The following PCDHA7 variants were observed in gnomAD, a reference collection of about 807,000 sequenced individuals.
PCDHA7 encodes the protein protocadherin alpha-7.
A neutral mutation model predicts 57.2 loss-of-function variants in PCDHA7; 37 were observed. The ratio of observed to expected loss-of-function variants is 0.65; its 90% CI spans 0.50 to 0.85. PCDHA7 has a LOEUF of 0.85. PCDHA7 is among the 40% of genes least tolerant of loss of function. The pLI, the probability that PCDHA7 is intolerant of heterozygous loss-of-function variation, is 0.00. For synonymous variants in PCDHA7, 553 were observed against 558.8 expected (o/e 0.99, Z 0.15); for missense variants, 1,188 against 1,241.8 (o/e 0.96, Z 0.65).
intron 1 of PCDHA7, among the ~76,000 whole-genome samples, chr5:140,911,608 T>C (rs1045101856): frequency 1.3e-5 from 2 of 152,180 alleles, no homozygotes; most frequent in Non-Finnish European, 2.9e-5. Context: ...TTCATTATGT[T>C]CCTTAGTTCC....
At chr5:140,877,511 C>G in intron 1 of PCDHA7, 1 of 1,613,808 alleles carries the variant, frequency 6.2e-7, no homozygotes, top group South Asian at 1.1e-5. Context: ...AAGACGTCGT[C>G]GCGGGCCTCA....
chr5:140,841,085 A>G, intron 1 of PCDHA7: 1 of 553,322 alleles, frequency 1.8e-6, no homozygotes. Context: ...AAGTGCATAG[A>G]AGAACCCAGA....
chr5:140,941,862 T>G (rs1007783083), intron 1 of PCDHA7, among the ~76,000 whole-genome samples: 33 of 152,238 alleles, frequency 2.2e-4, no homozygotes, highest in African/African-American at 7.7e-4. Context: ...TTCCCTATCA[T>G]AGAGTTCTAT....
At chr5:140,978,648 T>C (rs2096814311) in intron 1 of PCDHA7, among the ~76,000 whole-genome samples, 1 of 152,264 alleles carries the variant, frequency 6.6e-6, no homozygotes, top group African/African-American at 2.4e-5. Flanking sequence ...CAGACTGTTC[T>C]TCCCGTAGTG....
At chr5:140,840,564 T>C (rs1432242411) in intron 1 of PCDHA7, among the ~76,000 whole-genome samples, 1 of 152,054 alleles carries the variant, frequency 6.6e-6, no homozygotes, top group Non-Finnish European at 1.5e-5. Flanking sequence ...CTGCTAGAGT[T>C]TGGCATGTCA....
In PCDHA7 at chr5:140,876,724, G is replaced by A. The variant is rs140611870; in HGVS notation, c.2355+39986G>A. On this transcript the variant is annotated intron_variant, in intron 1 of 3. Transcript: ENST00000525929. The stretch of plus-strand genomic sequence containing the variant: ...GGACAGCGCCCTGGACCGCGAGAGC[G>A]TGTCGGCCTATGAGCTGGTGGTGAC... The A allele has an allele frequency of 2.3e-4, 378 of 1,614,246 alleles. 3 individuals are homozygous for A. In the East Asian group the frequency reaches 2.9e-3, roughly 13 times the overall value.
chr5:141,003,654 A>G (rs1451170896), intron 3 of PCDHA7, among the ~76,000 whole-genome samples: 1 of 152,212 alleles, frequency 6.6e-6, no homozygotes, highest in Non-Finnish European at 1.5e-5. Flanking sequence ...ATCTGTATGC[A>G]TTTATTAAAA....
chr5:141,006,206 A>AT (rs1178693799), intron 3 of PCDHA7, among the ~76,000 whole-genome samples: 16 of 147,954 alleles, frequency 1.1e-4, no homozygotes, highest in East Asian at 5.9e-4. Context: ...GTTATGCCTC[A>AT]TTTTTTTTTA....
chr5:140,996,412 A>G (rs563756317), intron 3 of PCDHA7, among the ~76,000 whole-genome samples: 1 of 152,332 alleles, frequency 6.6e-6, no homozygotes, highest in Admixed American at 6.5e-5. Context: ...TGGGGCAGGC[A>G]GTGTGAAAAC....
chr5:140,891,270 C>T (rs1049558993), intron 1 of PCDHA7, among the ~76,000 whole-genome samples: 1 of 151,570 alleles, frequency 6.6e-6, no homozygotes, highest in East Asian at 1.9e-4. Context: ...TTAATTTTTC[C>T]GTAAGTTATT....
chr5:140,856,514 G>T (rs781942781), intron 1 of PCDHA7: 5 of 1,598,422 alleles, frequency 3.1e-6, no homozygotes, highest in Non-Finnish European at 3.4e-6. Context: ...ACTAGAAGGC[G>T]CATCTGATGC....
intron 1 of PCDHA7, chr5:140,883,164 A>G (rs559249411): frequency 1.2e-6 from 2 of 1,614,060 alleles, no homozygotes; most frequent in African/African-American, 1.3e-5. Context: ...AATCCGAACA[A>G]TGGAGAAATT....
Position 140,856,421 on chromosome 5 carries a change from A to T in PCDHA7, c.2355+19683A>T, listed in dbSNP as rs1554148675. 3.8e-6 allele frequency: 6 copies of T among 1,598,490 alleles called. No individual in the cohort carries two copies. In the South Asian group the frequency reaches 6.6e-5, roughly 18 times the overall value. On this transcript the variant is annotated intron_variant, in intron 1 of 3. Coordinates refer to ENST00000525929, the MANE Select transcript of PCDHA7 (RefSeq NM_018910.3). ...CCATGTGGACGTGGAAGTGAAGGACATTAACGACAACCCGCCCAGGTTCTC... is the reference window on the plus strand; with the variant it reads ...CCATGTGGACGTGGAAGTGAAGGACTTTAACGACAACCCGCCCAGGTTCTC...
intron 1 of PCDHA7, among the ~76,000 whole-genome samples, chr5:140,889,933 A>T (rs1034906344): frequency 7.9e-5 from 12 of 152,188 alleles, no homozygotes; most frequent in African/African-American, 2.9e-4. Context: ...CTCAAGCTGG[A>T]CTTGTGAGAA....
intron 1 of PCDHA7, among the ~76,000 whole-genome samples, chr5:140,947,982 T>C (rs1178353293): frequency 1.3e-5 from 2 of 148,572 alleles, no homozygotes; most frequent in Admixed American, 1.3e-4. Flanking sequence ...CTCATAGGTT[T>C]TTCCCAAATA....
intron 1 of PCDHA7, chr5:140,875,267 C>T (rs1203068511): frequency 2.5e-6 from 3 of 1,210,992 alleles, no homozygotes; most frequent in Admixed American, 3.0e-5. Context: ...TGTCGCTCTA[C>T]ACTCAGAAGG....
At chr5:140,865,102 A>G (rs1251688673) in intron 1 of PCDHA7, 2 of 152,206 alleles carry the variant, frequency 1.3e-5, no homozygotes, top group Non-Finnish European at 2.9e-5. Context: ...AGGCACTTCC[A>G]CTTGACAATT....
chr5:140,905,593 G>C (rs781937038), intron 1 of PCDHA7, among the ~76,000 whole-genome samples: 1 of 152,072 alleles, frequency 6.6e-6, no homozygotes, highest in Non-Finnish European at 1.5e-5. Context: ...TATTTTGCTG[G>C]GAATTGCATT....
chr5:140,922,381 A>T (rs1554200794), intron 1 of PCDHA7, among the ~76,000 whole-genome samples: 2 of 152,208 alleles, frequency 1.3e-5, no homozygotes, highest in Admixed American at 6.5e-5. Flanking sequence ...TGCAAAACCA[A>T]AGACTCCTTG....
Sources: gnomAD v4.1 joint callset for allele counts (sites outside exome capture counted in the v4.1 genomes callset) on GRCh38, gnomAD v4.1.1 for gene constraint, MANE v1.5 for transcripts, NCBI Gene and HGNC (gene_info 2026-07-23, HGNC 2026-07-21) for gene names.